Variants in UGT1A9 observed in about 807,000 individuals in gnomAD.
UGT1A9 encodes UDP-glucuronosyltransferase 1A9.
UGT1A9 carries 35 observed loss-of-function variants against 45.0 expected under a neutral mutation model. That is an observed-to-expected ratio of 0.78 (90% CI 0.59 to 1.03). The LOEUF is 1.03. Among genes scored for constraint, UGT1A9 ranks in the 50% least tolerant of loss-of-function variants. UGT1A9 has a pLI of 0.00. For synonymous variants in UGT1A9, 278 were observed against 250.6 expected (o/e 1.11, Z -1.03); for missense variants, 687 against 666.6 (o/e 1.03, Z -0.34).
chr2:233,757,475 A>T (rs1291183794), intron 1 of UGT1A9, among the ~76,000 whole-genome samples: 1 of 148,302 alleles, frequency 6.7e-6, no homozygotes, highest in Non-Finnish European at 1.5e-5. Context: ...CTGTCTCCAA[A>T]ACCATGGACT....
rs1196428735 is a variant in UGT1A9 at position 233,732,781 on chromosome 2, T to C, written c.856-34253T>C. Reference sequence around the variant, plus strand: ...TTTTTTTTTTTTTTTTGCTTAGGATTGTCTTGGCAATGCAGGCTCTTTTTT... The same window carrying C: ...TTTTTTTTTTTTTTTTGCTTAGGATCGTCTTGGCAATGCAGGCTCTTTTTT... On this transcript the variant is annotated intron_variant, in intron 1 of 4. Transcript: ENST00000354728. Among the ~76,000 whole-genome samples the C allele has an allele frequency of 2.6e-5, 4 of 151,222 alleles. No individual in the cohort carries two copies. In the East Asian group the frequency reaches 7.7e-4, roughly 29 times the overall value.
Position 233,725,052 on chromosome 2 carries a change from C to T in UGT1A9, c.856-41982C>T, listed in dbSNP as rs575446926. ...CTCCACCAAAACCAGTCAGGCGTGG[C>T]GGCGCGCGCCTGCAATCGCAGGCAC... On this transcript the variant is annotated intron_variant, in intron 1 of 4. Coordinates refer to ENST00000354728, the MANE Select transcript of UGT1A9 (RefSeq NM_021027.3). Among the ~76,000 whole-genome samples the T allele has an allele frequency of 7.1e-4, 105 of 147,652 alleles. 7 individuals are homozygous for T. The highest frequency in any genetic ancestry group is 1.2e-3 in the Non-Finnish European group (79 of 67,134).
At chr2:233,738,215 A>G (rs927290766) in intron 1 of UGT1A9, among the ~76,000 whole-genome samples, 4 of 152,078 alleles carry the variant, frequency 2.6e-5, no homozygotes, top group African/African-American at 9.7e-5. Context: ...TGCCAGGATT[A>G]TAAGTTTCCT....
At chr2:233,729,668 A>C (rs1346265450) in intron 1 of UGT1A9, 12 of 1,613,764 alleles carry the variant, frequency 7.4e-6, no homozygotes, top group Non-Finnish European at 1.0e-5. Context: ...TGTGATTTAG[A>C]CTTTAAGGGC....
rs1191873899 is a variant in UGT1A9 at position 233,760,673 on chromosome 2, A to G, written c.856-6361A>G. The G allele has an allele frequency of 2.5e-6, 4 of 1,614,214 alleles. No homozygotes were observed. Among genetic ancestry groups the G allele is most frequent in the Non-Finnish European group, 3.4e-6 (4 of 1,180,038 alleles). Reference sequence around the variant, plus strand: ...GCTATGCTTTTGTCTGGCTGTTCCCACTTACTGCACAACAAGGAGCTCATG... The same window carrying G: ...GCTATGCTTTTGTCTGGCTGTTCCCGCTTACTGCACAACAAGGAGCTCATG... On this transcript the variant is annotated intron_variant, in intron 1 of 4. Coordinates refer to ENST00000354728, the MANE Select transcript of UGT1A9 (RefSeq NM_021027.3).
chr2:233,713,567 C>T (rs1231652913), intron 1 of UGT1A9: 11 of 1,613,854 alleles, frequency 6.8e-6, no homozygotes, highest in African/African-American at 1.3e-5. Context: ...ACCCTTCCTC[C>T]TATATTCCTA....
chr2:233,752,951 A>G (rs745809226), intron 1 of UGT1A9, among the ~76,000 whole-genome samples: 1 of 152,216 alleles, frequency 6.6e-6, no homozygotes, highest in Admixed American at 6.5e-5. Flanking sequence ...CCACTGAACA[A>G]TGGGATTTAT....
intron 1 of UGT1A9, chr2:233,713,149 C>A (rs777655753): frequency 1.2e-6 from 2 of 1,614,172 alleles, no homozygotes; most frequent in Admixed American, 1.7e-5. Flanking sequence ...GACCTCCATG[C>A]GAGAGGCCAC....
intron 1 of UGT1A9, chr2:233,719,217 C>T (rs1235910435): frequency 1.2e-6 from 2 of 1,614,064 alleles, no homozygotes; most frequent in Non-Finnish European, 1.7e-6. Flanking sequence ...GGAGCTACTG[C>T]ATAATGAGGC....
At chr2:233,722,497 G>A (rs147743220) in intron 1 of UGT1A9, among the ~76,000 whole-genome samples, 12 of 152,166 alleles carry the variant, frequency 7.9e-5, no homozygotes, top group African/African-American at 2.9e-4. Flanking sequence ...TTCATTTTCC[G>A]TTTCGTTAAT....
At chr2:233,693,594 CA>C in intron 1 of UGT1A9, 1 of 1,614,202 alleles carries the variant, frequency 6.2e-7, no homozygotes, top group Middle Eastern at 1.6e-4. Context: ...AGGTGCTACA[CA>C]AAGTTTTCAG....
Position 233,681,424 on chromosome 2 carries a change from C to T in UGT1A9, c.855+8635C>T, listed in dbSNP as rs150455552. ...CAGCGTGCGCCTGTAATCCCAGCTA[C>T]TGAGGCTGAGGCAGGAGAATCGTTT... On this transcript the variant is annotated intron_variant, in intron 1 of 4. Transcript: ENST00000354728. Among the ~76,000 whole-genome samples, 5 of 150,166 alleles carry T rather than the reference C, an allele frequency of 3.3e-5. No homozygotes were observed. The East Asian group carries it at 1.0e-3, about 30-fold the overall frequency.
chr2:233,719,691 T>C (rs1369950674), intron 1 of UGT1A9: 1 of 1,614,102 alleles, frequency 6.2e-7, no homozygotes, highest in East Asian at 2.2e-5. Flanking sequence ...ATCTCAGGTC[T>C]GTATTGGTGC....
intron 1 of UGT1A9, among the ~76,000 whole-genome samples, chr2:233,717,359 G>A (rs1445197298): frequency 6.6e-6 from 1 of 152,216 alleles, no homozygotes; most frequent in Non-Finnish European, 1.5e-5. Flanking sequence ...CCCCTGGGGA[G>A]TTCTCAAGCC....
At chr2:233,672,824 T>G (rs1331719438) in intron 1 of UGT1A9, 35 bp downstream of exon 1, 1 of 1,575,234 alleles carries the variant, frequency 6.3e-7, no homozygotes, top group South Asian at 1.2e-5. Flanking sequence ...TTAAGAATAC[T>G]TCACCTTTGG....
intron 1 of UGT1A9, among the ~76,000 whole-genome samples, chr2:233,685,506 A>T (rs772967673): frequency 6.6e-6 from 1 of 152,256 alleles, no homozygotes; most frequent in Non-Finnish European, 1.5e-5. Flanking sequence ...TTACAGCAAG[A>T]AAAGATCTAT....
intron 1 of UGT1A9, among the ~76,000 whole-genome samples, chr2:233,758,934 A>T (rs1366675557): frequency 1.3e-5 from 2 of 152,238 alleles, no homozygotes; most frequent in Non-Finnish European, 2.9e-5. Context: ...TTTTGACTTC[A>T]AATCAGTCAT....
At chr2:233,700,978 T>G (rs2075603422) in intron 1 of UGT1A9, among the ~76,000 whole-genome samples, 1 of 152,172 alleles carries the variant, frequency 6.6e-6, no homozygotes, top group Admixed American at 6.5e-5. Context: ...TGTTTGATTT[T>G]TTGTCCTTGC....
At chr2:233,730,348 T>A (rs2078018262) in intron 1 of UGT1A9, among the ~76,000 whole-genome samples, 1 of 152,216 alleles carries the variant, frequency 6.6e-6, no homozygotes, top group Non-Finnish European at 1.5e-5. Flanking sequence ...TGATCCATCC[T>A]GGATTTTTTG....
Sources: gnomAD v4.1 joint callset for allele counts (sites outside exome capture counted in the v4.1 genomes callset) on GRCh38, gnomAD v4.1.1 for gene constraint, MANE v1.5 for transcripts, NCBI Gene and HGNC (gene_info 2026-07-23, HGNC 2026-07-21) for gene names.